Variants in FTO observed in about 807,000 individuals in gnomAD.
The protein encoded by FTO is FTO alpha-ketoglutarate dependent dioxygenase, also known as alpha-ketoglutarate-dependent dioxygenase FTO.
A neutral mutation model predicts 63.9 loss-of-function variants in FTO; 47 were observed. The observed-to-expected ratio is 0.74, with a 90% CI of 0.58 to 0.94. The LOEUF is 0.94. Ranked by LOEUF, FTO falls within the 40% of genes least tolerant of loss-of-function variation. FTO has a pLI of 0.00. For missense variants in FTO, 562 were observed against 618.1 expected (o/e 0.91, Z 0.96); for synonymous variants, 207 against 224.4 (o/e 0.92, Z 0.69).
chr16:53,750,670 A>T (rs529264782), intron 1 of FTO, among the ~76,000 whole-genome samples: 3 of 152,322 alleles, frequency 2.0e-5, no homozygotes, highest in Non-Finnish European at 4.4e-5. Flanking sequence ...AAGTTTGCTG[A>T]CCTTGGTAAG....
chr16:53,809,177 C>T lies in FTO; in HGVS notation c.46-963C>T, dbSNP rs1056827503. On this transcript the variant is annotated intron_variant, in intron 1 of 8. Coordinates refer to ENST00000471389, the MANE Select transcript of FTO (RefSeq NM_001080432.3). ...GTACTGTTTGGGGAAAACATAGTCT[C>T]TTGAAACAGCCTCAGACAATGCTGG... is the stretch of plus-strand genomic sequence containing the variant. Among the ~76,000 whole-genome samples, 8 of 152,246 alleles carry T rather than the reference C, an allele frequency of 5.3e-5. No homozygotes were observed. In the East Asian group the frequency reaches 1.3e-3, roughly 26 times the overall value.
intron 7 of FTO, among the ~76,000 whole-genome samples, chr16:53,921,423 A>G (rs1159702697): frequency 2.0e-5 from 3 of 152,198 alleles, no homozygotes; most frequent in Admixed American, 6.5e-5. Context: ...GCCAAACATC[A>G]TCAGTGGCTC....
chr16:53,818,779 T>G (rs1187992218), intron 2 of FTO, among the ~76,000 whole-genome samples: 1 of 152,152 alleles, frequency 6.6e-6, no homozygotes, highest in African/African-American at 2.4e-5. Context: ...TCCAAACAGT[T>G]AAGTTTGTTA....
chr16:53,780,596 C>T (rs1467472503), intron 1 of FTO, among the ~76,000 whole-genome samples: 2 of 152,080 alleles, frequency 1.3e-5, no homozygotes, highest in Non-Finnish European at 2.9e-5. Context: ...TCTTGAACTC[C>T]TGACCTCAGG....
intron 8 of FTO, among the ~76,000 whole-genome samples, chr16:54,006,288 C>T (rs1273967102): frequency 6.6e-6 from 1 of 152,166 alleles, no homozygotes; most frequent in Non-Finnish European, 1.5e-5. Flanking sequence ...TTAGCTGAAG[C>T]CTTCATCAGG....
intron 8 of FTO, among the ~76,000 whole-genome samples, chr16:53,979,725 G>A (rs1394438214): frequency 6.6e-6 from 1 of 152,044 alleles, no homozygotes; most frequent in Non-Finnish European, 1.5e-5. Flanking sequence ...CCAATTTGGA[G>A]GTCAAAAAGA....
At chr16:54,012,870 A>G (rs1320055744) in intron 8 of FTO, among the ~76,000 whole-genome samples, 2 of 152,092 alleles carry the variant, frequency 1.3e-5, no homozygotes, top group Non-Finnish European at 2.9e-5. Context: ...ATCAGTGCTC[A>G]TTGACAATGC....
intron 2 of FTO, among the ~76,000 whole-genome samples, chr16:53,816,074 C>T (rs907899812): frequency 1.3e-5 from 2 of 152,116 alleles, no homozygotes; most frequent in Non-Finnish European, 1.5e-5. Flanking sequence ...GCTGTGCCCT[C>T]TTATCCTTCC....
intron 8 of FTO, among the ~76,000 whole-genome samples, chr16:54,049,180 A>G (rs2085256563): frequency 6.6e-6 from 1 of 152,202 alleles, no homozygotes. Flanking sequence ...GATGGAAGCC[A>G]CCATTGTTCA....
intron 8 of FTO, among the ~76,000 whole-genome samples, chr16:54,097,067 C>T (rs2086530362): frequency 6.6e-6 from 1 of 152,166 alleles, no homozygotes; most frequent in South Asian, 2.1e-4. Flanking sequence ...TAGTGAGGAT[C>T]ACATGGGATA....
intron 1 of FTO, among the ~76,000 whole-genome samples, chr16:53,740,520 C>T (rs1223746230): frequency 1.3e-5 from 2 of 152,162 alleles, no homozygotes; most frequent in Admixed American, 6.5e-5. Context: ...TGCCTTTCTG[C>T]TCAGTGTGTC....
At chr16:54,029,207 T>A (rs568002414) in intron 8 of FTO, among the ~76,000 whole-genome samples, 1 of 152,338 alleles carries the variant, frequency 6.6e-6, no homozygotes, top group East Asian at 1.9e-4. Flanking sequence ...GACAACTTTT[T>A]AATTTCACAA....
chr16:54,049,815 G>T (rs1302822874), intron 8 of FTO, among the ~76,000 whole-genome samples: 1 of 152,182 alleles, frequency 6.6e-6, no homozygotes, highest in Non-Finnish European at 1.5e-5. Flanking sequence ...TTTGGCCGTG[G>T]ATCCAAGATA....
intron 8 of FTO, among the ~76,000 whole-genome samples, chr16:54,014,356 G>T (rs557059608): frequency 1.3e-5 from 2 of 152,158 alleles, no homozygotes; most frequent in South Asian, 2.1e-4. Flanking sequence ...ATTAGTTTTT[G>T]TGAGAGCTGA....
At chr16:53,741,233 A>T (rs904847485) in intron 1 of FTO, among the ~76,000 whole-genome samples, 1 of 152,160 alleles carries the variant, frequency 6.6e-6, no homozygotes, top group African/African-American at 2.4e-5. Flanking sequence ...CATTATTACT[A>T]TCTGGACCTT....
At chr16:53,972,929 A>G (rs2083360908) in intron 8 of FTO, among the ~76,000 whole-genome samples, 1 of 152,176 alleles carries the variant, frequency 6.6e-6, no homozygotes, top group Admixed American at 6.5e-5. Context: ...GTGACCTCTT[A>G]AAATATATTT....
chr16:54,058,238 A>G (rs2085484475), intron 8 of FTO, among the ~76,000 whole-genome samples: 1 of 152,044 alleles, frequency 6.6e-6, no homozygotes, highest in South Asian at 2.1e-4. Flanking sequence ...CAGCCTCCCA[A>G]GTAGCTGGGA....
intron 2 of FTO, among the ~76,000 whole-genome samples, chr16:53,824,584 T>C (rs1434195267): frequency 1.3e-5 from 2 of 152,010 alleles, no homozygotes; most frequent in Admixed American, 6.6e-5. Context: ...CATCTGGTGG[T>C]AGGTGCTCAA....
intron 8 of FTO, among the ~76,000 whole-genome samples, chr16:54,030,687 C>T (rs568245726): frequency 4.6e-5 from 7 of 152,074 alleles, no homozygotes; most frequent in Non-Finnish European, 7.4e-5. Context: ...CATCAGGAAT[C>T]GAAAGACATC....
Sources: gnomAD v4.1 joint callset for allele counts (sites outside exome capture counted in the v4.1 genomes callset) on GRCh38, gnomAD v4.1.1 for gene constraint, MANE v1.5 for transcripts, NCBI Gene and HGNC (gene_info 2026-07-23, HGNC 2026-07-21) for gene names.